The following STMP1 variants were observed in gnomAD, a reference collection of about 807,000 sequenced individuals.
STMP1 encodes short transmembrane mitochondrial protein 1.
STMP1 carries 7 observed loss-of-function variants against 7.0 expected under a neutral mutation model. The observed-to-expected ratio is 1.01, with a 90% CI of 0.57 to 1.89. STMP1 has a LOEUF of 1.89. Ranked by LOEUF, STMP1 falls within the 40% of genes most tolerant of loss-of-function variation. STMP1 has a pLI of 0.00. For synonymous variants in STMP1, 19 were observed against 18.4 expected (o/e 1.03, Z -0.08); for missense variants, 45 against 53.0 (o/e 0.85, Z 0.47).
At chr7:135,669,581 C>T (rs73160703) in intron 1 of STMP1, among the ~76,000 whole-genome samples, 1,820 of 152,054 alleles carry the variant, frequency 0.012, 16 homozygotes, top group Admixed American at 0.017. Context: ...CTTTAGGGGC[C>T]GTATGTATTT....
At position 135,675,106 on chromosome 7, in the gene STMP1, T is replaced by C. The variant is rs1317148175; in HGVS notation, c.*941T>C. 1 of 152,174 alleles carries C rather than the reference T, an allele frequency of 6.6e-6. No individual in the cohort carries two copies. Among genetic ancestry groups the C allele is most frequent in the African/African-American group, 2.4e-5 (1 of 41,432 alleles). The allele number at this position is 152,174 out of a possible 1,614,324, so 9.4% of individuals were successfully genotyped here. On this transcript the variant is annotated 3_prime_UTR_variant, in exon 3 of 3. Transcript: ENST00000507606. ...TTTTTTCCTGCAGTCAGAAATTCCT[T>C]GTATTTGTCAAATGTATAATCAGCT...
chr7:135,664,344 ATTTTTTTTTT>A (rs767469164), intron 1 of STMP1, among the ~76,000 whole-genome samples: 11 of 114,990 alleles, frequency 9.6e-5, no homozygotes, highest in South Asian at 2.8e-4. Context: ...CTGTGTGTTA[ATTTTTTTTTT>A]TTTTTTTTTT....
At position 135,667,157 on chromosome 7, in the gene STMP1, T is replaced by C. The variant is rs76686571; in HGVS notation, c.15+4563T>C. Among the ~76,000 whole-genome samples the C allele has an allele frequency of 5.6e-3, 855 of 152,356 alleles. 12 individuals carry two copies. The highest frequency in any genetic ancestry group is 0.051 in the East Asian group (263 of 5,190). On this transcript the variant is annotated intron_variant, in intron 1 of 2. Transcript: ENST00000507606. ...TCTTTTCATATGCTTGTTGACTGTT[T>C]GTAGCTTTGGAGAAATCCTTTCACA...
intron 1 of STMP1, among the ~76,000 whole-genome samples, chr7:135,665,915 T>TTTTTGAGACAGAATC (rs1356183768): frequency 2.6e-5 from 4 of 151,884 alleles, no homozygotes; most frequent in Non-Finnish European, 5.9e-5. Flanking sequence ...GCTTTTTTTT[T>TTTTTGAGACAGAATC]TTTTGAGACA....
At chr7:135,671,857 T>G (rs551759272) in intron 1 of STMP1, among the ~76,000 whole-genome samples, 2 of 152,354 alleles carry the variant, frequency 1.3e-5, no homozygotes, top group East Asian at 3.9e-4. Flanking sequence ...TCCTCCTTGT[T>G]GTGAATGTCC....
In STMP1 at chr7:135,662,528, C is replaced by A. The variant is rs978302051; in HGVS notation, c.-52C>A. 7.2e-6 allele frequency: 11 copies of A among 1,535,956 alleles called. No homozygotes were observed. In the African/African-American group the frequency reaches 1.5e-4, roughly 22 times the overall value. On this transcript the variant is annotated 5_prime_UTR_variant, in exon 1 of 3. Coordinates refer to ENST00000507606, the MANE Select transcript of STMP1 (RefSeq NM_001130929.2). ...CATGGGGAGGTAGGCTCGGACCGGC[C>A]CGCGGAGCTGCTGCAGTCCTTCGCG...
At chr7:135,670,432 A>T (rs1795345938) in intron 1 of STMP1, among the ~76,000 whole-genome samples, 1 of 152,158 alleles carries the variant, frequency 6.6e-6, no homozygotes, top group Non-Finnish European at 1.5e-5. Flanking sequence ...GACCTCCTAT[A>T]ATCTGACTCC....
chr7:135,662,829 CAG>C (rs564254271), intron 1 of STMP1, among the ~76,000 whole-genome samples: 8 of 152,342 alleles, frequency 5.3e-5, no homozygotes, highest in South Asian at 4.1e-4. Context: ...TTTGAGGTGT[CAG>C]AGAGTGTGCG....
In STMP1 at chr7:135,674,305, T is replaced by A; in HGVS notation, c.*140T>A. The A allele has an allele frequency of 1.5e-6, 1 of 653,206 alleles. No homozygotes were observed. The highest frequency in any genetic ancestry group is 2.5e-5 in the South Asian group (1 of 40,634). The allele number at this position is 653,206 out of a possible 1,614,324, so 40.5% of individuals were successfully genotyped here. A position where few individuals can be genotyped will look rare whatever the true frequency, so the allele number is the denominator to read the frequency against. On this transcript the variant is annotated 3_prime_UTR_variant, in exon 3 of 3. Coordinates refer to ENST00000507606, the MANE Select transcript of STMP1 (RefSeq NM_001130929.2). ...TTGCTAGACCCTGTGTTTTTTGCTT[T>A]AAAGCAAGCAAAATGGGGCCCCAAT...
At chr7:135,666,388 ACC>A (rs1273198359) in intron 1 of STMP1, among the ~76,000 whole-genome samples, 15 of 152,108 alleles carry the variant, frequency 9.9e-5, no homozygotes. Context: ...TCACTCTGTC[ACC>A]CAGGCTGGAA....
intron 1 of STMP1, among the ~76,000 whole-genome samples, chr7:135,662,941 C>A (rs1038097553): frequency 3.9e-5 from 6 of 152,224 alleles, no homozygotes. Flanking sequence ...GTCCGCCCCC[C>A]TTTCTTTCTG....
At chr7:135,662,911 G>A (rs1795249881) in intron 1 of STMP1, among the ~76,000 whole-genome samples, 1 of 152,214 alleles carries the variant, frequency 6.6e-6, no homozygotes, top group Admixed American at 6.5e-5. Context: ...AGCTTGTGTG[G>A]TCCTTGATGA....
In STMP1 at chr7:135,662,546, C is replaced by A. The variant is rs767398797; in HGVS notation, c.-34C>A. The stretch of plus-strand genomic sequence containing the variant: ...GACCGGCCCGCGGAGCTGCTGCAGT[C>A]CTTCGCGCCCTCCTCGCCCTCCCCA... On this transcript the variant is annotated 5_prime_UTR_variant, in exon 1 of 3. Transcript: ENST00000507606. 25 of 1,545,714 alleles carry A rather than the reference C, an allele frequency of 1.6e-5. No homozygotes were observed. Among genetic ancestry groups the A allele is most frequent in the Non-Finnish European group, 1.9e-5 (22 of 1,144,890 alleles).
chr7:135,672,976 C>T (rs1795372268), intron 2 of STMP1, 170 bp downstream of exon 2: 1 of 621,186 alleles, frequency 1.6e-6, no homozygotes, highest in Non-Finnish European at 2.8e-6. Context: ...TAATCCAACT[C>T]ATGAAACAGC....
chr7:135,670,441 C>A (rs1795346081), intron 1 of STMP1, among the ~76,000 whole-genome samples: 2 of 152,194 alleles, frequency 1.3e-5, no homozygotes, highest in African/African-American at 4.8e-5. Context: ...TAATCTGACT[C>A]CAGTCTAACC....
Position 135,675,009 on chromosome 7 carries a change from A to G in STMP1, c.*844A>G, listed in dbSNP as rs1440565384. The G allele has an allele frequency of 6.6e-6, 1 of 152,248 alleles. No individual in the cohort carries two copies. The highest frequency in any genetic ancestry group is 2.4e-5 in the African/African-American group (1 of 41,464). The allele number at this position is 152,248 out of a possible 1,614,324, so 9.4% of individuals were successfully genotyped here. A position where few individuals can be genotyped will look rare whatever the true frequency, so the allele number is the denominator to read the frequency against. ...TTTGTAGTGATTGTCTTAAGAAAAA[A>G]TATAGCCCAAATGTATAGTAAAATC... On this transcript the variant is annotated 3_prime_UTR_variant, in exon 3 of 3. Transcript: ENST00000507606.
intron 1 of STMP1, among the ~76,000 whole-genome samples, chr7:135,662,883 G>C (rs188789467): frequency 1.1e-4 from 16 of 152,366 alleles, no homozygotes; most frequent in Admixed American, 3.9e-4. Context: ...CGCGCTCATT[G>C]TGCAATCTTT....
rs1165311203 is a variant in STMP1 at position 135,674,658 on chromosome 7, A to G, written c.*493A>G. 2 of 152,592 alleles carry G rather than the reference A, an allele frequency of 1.3e-5. No individual in the cohort carries two copies. The highest frequency in any genetic ancestry group is 2.1e-4 in the South Asian group (1 of 4,862). The allele number at this position is 152,592 out of a possible 1,614,324, so 9.5% of individuals were successfully genotyped here. ...CTAGTTTCTGGTGAATTATTCATTT[A>G]TTTTGTACTGTTGTTAGGCAGCTCT... On this transcript the variant is annotated 3_prime_UTR_variant, in exon 3 of 3. Coordinates refer to ENST00000507606, the MANE Select transcript of STMP1 (RefSeq NM_001130929.2).
chr7:135,668,406 A>C (rs762612346), intron 1 of STMP1, among the ~76,000 whole-genome samples: 1 of 152,082 alleles, frequency 6.6e-6, no homozygotes, highest in Non-Finnish European at 1.5e-5. Context: ...TCTCCCTACC[A>C]TGATTGCATG....
Sources: gnomAD v4.1 joint callset for allele counts (sites outside exome capture counted in the v4.1 genomes callset) on GRCh38, gnomAD v4.1.1 for gene constraint, MANE v1.5 for transcripts, NCBI Gene and HGNC (gene_info 2026-07-23, HGNC 2026-07-21) for gene names.